The following CNTNAP5 variants were observed in gnomAD, a reference collection of about 807,000 sequenced individuals.
CNTNAP5 encodes contactin associated protein family member 5, also known as contactin-associated protein-like 5.
In CNTNAP5, 72 loss-of-function variants were observed where a neutral mutation model predicts 150.2. That is an observed-to-expected ratio of 0.48 (90% confidence interval 0.40 to 0.58). CNTNAP5 has a LOEUF of 0.58. Among genes scored for constraint, CNTNAP5 ranks in the 20% least tolerant of loss-of-function variants. CNTNAP5 has a pLI of 0.00. For missense variants in CNTNAP5, 1,636 were observed against 1,626.2 expected (o/e 1.01, Z -0.10); for synonymous variants, 672 against 619.8 (o/e 1.08, Z -1.25).
At chr2:124,590,787 T>G (rs2104959685) in intron 11 of CNTNAP5, among the ~76,000 whole-genome samples, 1 of 152,294 alleles carries the variant, frequency 6.6e-6, no homozygotes, top group South Asian at 2.1e-4. Flanking sequence ...TCTTGTCTAT[T>G]TCTATAGTTT....
chr2:124,505,216 G>A (rs1389421624), intron 8 of CNTNAP5, among the ~76,000 whole-genome samples: 2 of 152,020 alleles, frequency 1.3e-5, no homozygotes, highest in Non-Finnish European at 2.9e-5. Flanking sequence ...GTTTCATATG[G>A]AATCTTCACC....
At chr2:124,548,161 T>G (rs1484747124) in intron 10 of CNTNAP5, among the ~76,000 whole-genome samples, 1 of 152,134 alleles carries the variant, frequency 6.6e-6, no homozygotes, top group Non-Finnish European at 1.5e-5. Context: ...TTCCTCTTTG[T>G]TTGTGTTCTC....
At position 124,826,335 on chromosome 2, in the gene CNTNAP5, T is replaced by C. The variant is rs542552752; in HGVS notation, c.3217+28015T>C. Among the ~76,000 whole-genome samples, 3 of 151,992 alleles carry C rather than the reference T, an allele frequency of 2.0e-5. No homozygotes were observed. In the South Asian group the frequency reaches 6.2e-4, roughly 32 times the overall value. ...CTTTCTTAGTGTCAGATTGGGCCCATAGAGGTTCAAATTTTGATTGAGTAG... is the reference window on the plus strand; with the variant it reads ...CTTTCTTAGTGTCAGATTGGGCCCACAGAGGTTCAAATTTTGATTGAGTAG... On this transcript the variant is annotated intron_variant, in intron 19 of 23. Transcript: ENST00000682447.
intron 1 of CNTNAP5, among the ~76,000 whole-genome samples, chr2:124,063,038 T>G: frequency 6.6e-6 from 1 of 152,112 alleles, no homozygotes; most frequent in East Asian, 1.9e-4. Flanking sequence ...TTTGTTATGT[T>G]TTTGTTTCTT....
chr2:124,092,431 C>A (rs1682836557), intron 1 of CNTNAP5, among the ~76,000 whole-genome samples: 1 of 152,192 alleles, frequency 6.6e-6, no homozygotes, highest in Admixed American at 6.5e-5. Context: ...ACATTCTCAG[C>A]CCGCAGGCTG....
At chr2:124,491,492 C>A (rs1249611340) in intron 7 of CNTNAP5, among the ~76,000 whole-genome samples, 2 of 151,430 alleles carry the variant, frequency 1.3e-5, no homozygotes, top group African/African-American at 2.4e-5. Context: ...TCTTTATTAT[C>A]TGTTGAGGGA....
At chr2:124,106,163 G>A (rs1463065561) in intron 1 of CNTNAP5, among the ~76,000 whole-genome samples, 1 of 152,158 alleles carries the variant, frequency 6.6e-6, no homozygotes, top group African/African-American at 2.4e-5. Context: ...AGGTCTAGAA[G>A]TAGACTAAGG....
At chr2:124,059,846 T>G (rs936782354) in intron 1 of CNTNAP5, among the ~76,000 whole-genome samples, 24 of 152,218 alleles carry the variant, frequency 1.6e-4, no homozygotes, top group South Asian at 2.1e-4. Flanking sequence ...ACAGAGTGTA[T>G]GCTCAGTATA....
At chr2:124,266,969 GAT>G (rs1491584289) in intron 3 of CNTNAP5, among the ~76,000 whole-genome samples, 1 of 111,134 alleles carries the variant, frequency 9.0e-6, no homozygotes, top group African/African-American at 3.2e-5. Context: ...ATAGATGAGA[GAT>G]TTTTTTTTTT....
At chr2:124,104,042 TA>T (rs931776669) in intron 1 of CNTNAP5, among the ~76,000 whole-genome samples, 52 of 148,332 alleles carry the variant, frequency 3.5e-4, no homozygotes, top group Admixed American at 4.1e-4. Flanking sequence ...ACATTATACA[TA>T]AATCTATATT....
At position 124,119,711 on chromosome 2, in the gene CNTNAP5, C is replaced by G. The variant is rs1465366640; in HGVS notation, c.82+93979C>G. Among the ~76,000 whole-genome samples the G allele has an allele frequency of 2.0e-5, 3 of 152,048 alleles. No homozygotes were observed. In the East Asian group the frequency reaches 5.8e-4, roughly 29 times the overall value. On this transcript the variant is annotated intron_variant, in intron 1 of 23. Coordinates refer to ENST00000682447, the MANE Select transcript of CNTNAP5 (RefSeq NM_001367498.1). ...TCATTTGAAGCCAGGAGTTAGAGAC[C>G]AGCCTGGGCAACACAGCAAAATCCC...
At chr2:124,469,725 C>T (rs1431520185) in intron 6 of CNTNAP5, among the ~76,000 whole-genome samples, 1 of 152,110 alleles carries the variant, frequency 6.6e-6, no homozygotes, top group African/African-American at 2.4e-5. Context: ...GATGCTCTCC[C>T]TCCTCCCAAC....
At chr2:124,284,688 C>T (rs943739652) in intron 3 of CNTNAP5, among the ~76,000 whole-genome samples, 3 of 151,778 alleles carry the variant, frequency 2.0e-5, no homozygotes, top group African/African-American at 7.3e-5. Context: ...ACTAAAAGGC[C>T]CGGGCAGGTC....
chr2:124,302,787 T>A lies in CNTNAP5; in HGVS notation c.381+60394T>A, dbSNP rs187813192. 2.6e-5 allele frequency among the ~76,000 whole-genome samples: 4 copies of A among 152,304 alleles called. No individual in the cohort carries two copies. In the East Asian group the frequency reaches 7.7e-4, roughly 29 times the overall value. On this transcript the variant is annotated intron_variant, in intron 3 of 23. Coordinates refer to ENST00000682447, the MANE Select transcript of CNTNAP5 (RefSeq NM_001367498.1). ...TTGGCTCTTTACCCTGACCAAAGACTTCTGGGCTTGAGTAAGCTGAGTGTG... is the reference window on the plus strand; with the variant it reads ...TTGGCTCTTTACCCTGACCAAAGACATCTGGGCTTGAGTAAGCTGAGTGTG...
At chr2:124,113,435 T>C (rs558889388) in intron 1 of CNTNAP5, among the ~76,000 whole-genome samples, 1 of 152,072 alleles carries the variant, frequency 6.6e-6, no homozygotes, top group African/African-American at 2.4e-5. Context: ...CTAGGTCTGT[T>C]CAAGTCTTTC....
intron 13 of CNTNAP5, among the ~76,000 whole-genome samples, chr2:124,709,506 G>A (rs1679763069): frequency 6.6e-6 from 1 of 152,126 alleles, no homozygotes; most frequent in South Asian, 2.1e-4. Flanking sequence ...AGTTATATAA[G>A]TAAAGTTGGT....
At chr2:124,523,960 TTG>T (rs1368726398) in intron 8 of CNTNAP5, among the ~76,000 whole-genome samples, 1 of 139,660 alleles carries the variant, frequency 7.2e-6, no homozygotes, top group Non-Finnish European at 1.6e-5. Flanking sequence ...TCGTTTATTT[TTG>T]TTTTTTTTTT....
At chr2:124,481,141 G>A (rs958450526) in intron 7 of CNTNAP5, among the ~76,000 whole-genome samples, 1 of 152,166 alleles carries the variant, frequency 6.6e-6, no homozygotes, top group African/African-American at 2.4e-5. Flanking sequence ...CCAGGTTTTA[G>A]ACCTCACAGT....
intron 13 of CNTNAP5, among the ~76,000 whole-genome samples, chr2:124,698,196 C>A (rs1252810413): frequency 6.6e-6 from 1 of 152,068 alleles, no homozygotes; most frequent in East Asian, 1.9e-4. Flanking sequence ...GTGGACTAGA[C>A]TGGATCAGAG....
Sources: gnomAD v4.1 joint callset for allele counts (sites outside exome capture counted in the v4.1 genomes callset) on GRCh38, gnomAD v4.1.1 for gene constraint, MANE v1.5 for transcripts, NCBI Gene and HGNC (gene_info 2026-07-23, HGNC 2026-07-21) for gene names.